Variants in TASP1 observed in about 807,000 individuals in gnomAD.
TASP1 encodes the protein taspase 1, also known as threonine aspartase 1.
A neutral mutation model predicts 56.6 loss-of-function variants in TASP1; 16 were observed. The ratio of observed to expected loss-of-function variants is 0.28; its 90% CI spans 0.19 to 0.43. The LOEUF is 0.43. Ranked by LOEUF, TASP1 falls within the 20% of genes least tolerant of loss-of-function variation. The probability of loss-of-function intolerance (pLI) is 1.00; values close to 1 mark genes in which losing one functional copy is unlikely to be tolerated. For synonymous variants in TASP1, 179 were observed against 184.2 expected (o/e 0.97, Z 0.23); for missense variants, 393 against 511.6 (o/e 0.77, Z 2.24).
chr20:13,324,944 C>T, the TASP1 span, among the ~76,000 whole-genome samples: 1 of 152,220 alleles, frequency 6.6e-6, no homozygotes, highest in Non-Finnish European at 1.5e-5. Context: ...TTGATGACCA[C>T]ATTTTAACAC....
At chr20:13,206,175 T>G in the TASP1 span, among the ~76,000 whole-genome samples, 2 of 152,152 alleles carry the variant, frequency 1.3e-5, no homozygotes, top group African/African-American at 2.4e-5. Context: ...CTGTGGGTCT[T>G]GGTGGACTGG....
At chr20:13,273,226 T>TTTTA in the TASP1 span, among the ~76,000 whole-genome samples, 1 of 147,614 alleles carries the variant, frequency 6.8e-6, no homozygotes, top group South Asian at 2.1e-4. Flanking sequence ...TTTTATTTTA[T>TTTTA]TTTATTTTAT....
At chr20:13,257,958 A>G in the TASP1 span, among the ~76,000 whole-genome samples, 2 of 152,238 alleles carry the variant, frequency 1.3e-5, no homozygotes, top group Non-Finnish European at 2.9e-5. Context: ...CAAGGATTTC[A>G]TAGCCTACTT....
intron 13 of TASP1, among the ~76,000 whole-genome samples, chr20:13,394,014 C>T (rs1298277531): frequency 6.6e-6 from 1 of 152,160 alleles, no homozygotes; most frequent in Non-Finnish European, 1.5e-5. Context: ...GGCGTGGTGG[C>T]TCACGCCTGT....
chr20:13,566,342 C>A (rs1436197161), intron 7 of TASP1, among the ~76,000 whole-genome samples: 1 of 151,742 alleles, frequency 6.6e-6, no homozygotes, highest in Admixed American at 6.6e-5. Context: ...GTGTATTTTA[C>A]CATAATTTTA....
At chr20:13,573,659 G>A (rs772727642) in intron 6 of TASP1, among the ~76,000 whole-genome samples, 11 of 152,028 alleles carry the variant, frequency 7.2e-5, no homozygotes, top group South Asian at 2.1e-4. Context: ...GAACTTCCAG[G>A]TATGTGAGAG....
chr20:13,630,700 A>C (rs1472739422), intron 1 of TASP1, among the ~76,000 whole-genome samples: 1 of 150,736 alleles, frequency 6.6e-6, no homozygotes, highest in Non-Finnish European at 1.5e-5. Context: ...AAAAAAAAAA[A>C]AAAAAAAAAA....
the TASP1 span, chr20:13,164,579 T>C: frequency 4.9e-6 from 3 of 612,056 alleles, no homozygotes; most frequent in Non-Finnish European, 8.9e-6. Context: ...CTAACATTCC[T>C]CTAGGGTCTT....
At chr20:13,590,807 A>C (rs1435384688) in intron 4 of TASP1, among the ~76,000 whole-genome samples, 1 of 152,018 alleles carries the variant, frequency 6.6e-6, no homozygotes, top group Admixed American at 6.6e-5. Flanking sequence ...TGGAGGCTGC[A>C]GTGAGCTGAG....
At position 13,533,982 on chromosome 20, in the gene TASP1, T is replaced by G. The variant is rs564854913; in HGVS notation, c.795+40A>C. 4.3e-5 allele frequency: 67 copies of G among 1,572,932 alleles called. No individual in the cohort carries two copies. In the South Asian group the frequency reaches 6.0e-4, roughly 14 times the overall value. On this transcript the variant is annotated intron_variant, in intron 9 of 13. Transcript: ENST00000337743. ...ATTGTGAGCTAAAAATTCCATGCTT[T>G]ACTTTGAAAGGCTAGTTTAAAAAAC... is the stretch of plus-strand genomic sequence containing the variant.
chr20:13,555,330 G>A (rs1445383132), intron 8 of TASP1, among the ~76,000 whole-genome samples: 1 of 132,838 alleles, frequency 7.5e-6, no homozygotes, highest in Non-Finnish European at 1.5e-5. Context: ...GTTGCAGTGA[G>A]CCAAGATCGT....
chr20:13,154,129 G>A, the TASP1 span: 2 of 1,614,018 alleles, frequency 1.2e-6, no homozygotes, highest in Non-Finnish European at 1.7e-6. Flanking sequence ...TATATGCCTG[G>A]TAAAGTAGCG....
downstream of TASP1, chr20:13,389,306 T>C (rs1420744243): frequency 6.6e-6 from 1 of 152,202 alleles, no homozygotes; most frequent in Admixed American, 6.5e-5. Context: ...ACACTGGCCT[T>C]GGAACAATCA....
chr20:13,509,978 C>T (rs951941961), intron 10 of TASP1, among the ~76,000 whole-genome samples: 1 of 152,172 alleles, frequency 6.6e-6, no homozygotes, highest in Non-Finnish European at 1.5e-5. Context: ...AAACTACCTA[C>T]TGGGTACTAT....
At chr20:13,120,713 A>G in the TASP1 span, among the ~76,000 whole-genome samples, 1 of 152,344 alleles carries the variant, frequency 6.6e-6, no homozygotes, top group South Asian at 2.1e-4. Flanking sequence ...CGATACTACT[A>G]GAGGAAACAG....
intron 6 of TASP1, among the ~76,000 whole-genome samples, chr20:13,573,483 T>C (rs1413154025): frequency 2.0e-5 from 3 of 152,240 alleles, no homozygotes; most frequent in Non-Finnish European, 2.9e-5. Context: ...TGTTTTGTTA[T>C]AGTAGAAACT....
the TASP1 span, among the ~76,000 whole-genome samples, chr20:13,197,721 C>T: frequency 6.6e-6 from 1 of 152,164 alleles, no homozygotes; most frequent in Non-Finnish European, 1.5e-5. Context: ...GAGAAATTGT[C>T]ATTTTCTCCT....
chr20:13,328,076 TCA>T, the TASP1 span, among the ~76,000 whole-genome samples: 1 of 151,928 alleles, frequency 6.6e-6, no homozygotes, highest in African/African-American at 2.4e-5. Flanking sequence ...GGTCTAATAT[TCA>T]GAGTCTACGA....
At chr20:13,548,308 G>C (rs2045874816) in intron 8 of TASP1, among the ~76,000 whole-genome samples, 1 of 152,122 alleles carries the variant, frequency 6.6e-6, no homozygotes, top group African/African-American at 2.4e-5. Flanking sequence ...AGATAGGTAG[G>C]AAGCTAGTGC....
Sources: allele counts gnomAD v4.1 joint callset (sites outside exome capture counted in the v4.1 genomes callset), GRCh38; gene constraint gnomAD v4.1.1; transcripts MANE v1.5; gene names NCBI Gene and HGNC (gene_info 2026-07-23, HGNC 2026-07-21).